KCNN2: variants seen among roughly 807,000 people sequenced by gnomAD.
KCNN2 encodes the protein small conductance calcium-activated potassium channel protein 2.
A neutral mutation model predicts 55.5 loss-of-function variants in KCNN2; 24 were observed. The ratio of observed to expected loss-of-function variants is 0.43; its 90% confidence interval spans 0.31 to 0.61. The LOEUF (loss-of-function observed/expected upper bound fraction) is 0.61, where lower values mean the gene tolerates loss of function less well. KCNN2 is among the 20% of genes least tolerant of loss of function. The probability of loss-of-function intolerance (pLI) is 0.08; values close to 1 mark genes in which losing one functional copy is unlikely to be tolerated. For synonymous variants in KCNN2, 431 were observed against 336.1 expected (o/e 1.28, Z -3.09); for missense variants, 754 against 853.6 (o/e 0.88, Z 1.45).
At chr5:114,064,472 G>C (rs756525916) in intron 1 of KCNN2, among the ~76,000 whole-genome samples, 1 of 152,320 alleles carries the variant, frequency 6.6e-6, no homozygotes, top group South Asian at 2.1e-4. Flanking sequence ...CTTGTGGGGA[G>C]AGCCACCATG....
At chr5:114,363,585 C>G (rs938348450) in intron 1 of KCNN2, among the ~76,000 whole-genome samples, 6 of 152,194 alleles carry the variant, frequency 3.9e-5, no homozygotes, top group Non-Finnish European at 7.3e-5. Context: ...AGGGCCCTTT[C>G]AACCCGCTCT....
intron 3 of KCNN2, among the ~76,000 whole-genome samples, chr5:114,449,025 T>G (rs1389078570): frequency 6.6e-6 from 1 of 152,096 alleles, no homozygotes; most frequent in Non-Finnish European, 1.5e-5. Flanking sequence ...GAGATTGAAG[T>G]GCTAGTGTTG....
At chr5:114,467,639 C>T (rs1761519868) in intron 4 of KCNN2, among the ~76,000 whole-genome samples, 1 of 152,110 alleles carries the variant, frequency 6.6e-6, no homozygotes, top group African/African-American at 2.4e-5. Context: ...AAATTCCCCA[C>T]CAATGTCCTT....
intron 1 of KCNN2, among the ~76,000 whole-genome samples, chr5:114,155,132 T>C (rs942340059): frequency 6.6e-6 from 1 of 152,062 alleles, no homozygotes; most frequent in Non-Finnish European, 1.5e-5. Flanking sequence ...AGTGAGAACA[T>C]GTGGTATTTG....
At position 114,404,737 on chromosome 5, in the gene KCNN2, A is replaced by C; in HGVS notation, c.1518A>C (p.Ile506=). 6.2e-7 allele frequency: 1 copy of C among 1,614,050 alleles called. No individual in the cohort carries two copies. Among genetic ancestry groups the C allele is most frequent in the Non-Finnish European group, 8.5e-7 (1 of 1,179,954 alleles). The change falls in exon 3 of 8, where the codon ATA becomes ATC. Residue 506 remains isoleucine, a synonymous_variant. Coordinates refer to ENST00000673685, the MANE Select transcript of KCNN2 (RefSeq NM_021614.4). ...GAAGCATTGGAGCACTTAATAAGAT[A>C]AACTTCAATACACGTTTTGTTATGA... The part of the protein sequence containing the change: ...SSRSIGALNK[I]NFNTRFVMKT...
chr5:114,385,247 TCTTTCTCTCC>T (rs879671107), intron 2 of KCNN2, among the ~76,000 whole-genome samples: 7 of 152,098 alleles, frequency 4.6e-5, no homozygotes, highest in Non-Finnish European at 5.9e-5. Context: ...CCTTTTGTTC[TCTTTCTCTCC>T]CTTTCTCTCT....
intron 1 of KCNN2, among the ~76,000 whole-genome samples, chr5:114,083,228 A>G (rs2112543395): frequency 6.6e-6 from 1 of 151,996 alleles, no homozygotes; most frequent in African/African-American, 2.4e-5. Context: ...TGATTTCATT[A>G]CTTTTTCACC....
At chr5:114,168,480 G>A (rs1466184559) in intron 1 of KCNN2, among the ~76,000 whole-genome samples, 1 of 151,934 alleles carries the variant, frequency 6.6e-6, no homozygotes, top group East Asian at 1.9e-4. Context: ...GTTTCTCAAG[G>A]CTAATATTCT....
intron 1 of KCNN2, among the ~76,000 whole-genome samples, chr5:114,149,418 G>A (rs548975956): frequency 2.3e-4 from 35 of 152,264 alleles, no homozygotes; most frequent in African/African-American, 6.5e-4. Flanking sequence ...TAGGCAGATC[G>A]ACAGGTCGAG....
At chr5:114,423,818 C>G (rs1336288575) in intron 3 of KCNN2, among the ~76,000 whole-genome samples, 1 of 152,098 alleles carries the variant, frequency 6.6e-6, no homozygotes, top group East Asian at 1.9e-4. Context: ...AGAAAGAAAA[C>G]TTGATTTGAG....
intron 4 of KCNN2, among the ~76,000 whole-genome samples, chr5:114,469,730 C>T (rs1466076544): frequency 1.3e-5 from 2 of 152,180 alleles, no homozygotes; most frequent in Admixed American, 6.5e-5. Context: ...ACTTAAATTA[C>T]TATAACCATG....
At chr5:114,411,146 G>T in intron 3 of KCNN2, among the ~76,000 whole-genome samples, 1 of 152,066 alleles carries the variant, frequency 6.6e-6, no homozygotes. Context: ...ACTATTCAGT[G>T]TCTTAAAAGT....
At chr5:114,383,651 A>T (rs1758195407) in intron 2 of KCNN2, among the ~76,000 whole-genome samples, 1 of 151,976 alleles carries the variant, frequency 6.6e-6, no homozygotes, top group Non-Finnish European at 1.5e-5. Flanking sequence ...TATTTTTAGT[A>T]GGGACAGGGT....
intron 5 of KCNN2, among the ~76,000 whole-genome samples, chr5:114,476,037 C>CTTTTTTTTTTAAATTATACTTTAAGTTT (rs1761948890): frequency 6.7e-6 from 1 of 149,558 alleles, no homozygotes; most frequent in African/African-American, 2.5e-5. Context: ...TTCATTACTA[C>CTTTTTTTTTTAAATTATACTTTAAGTTT]TTTTTTTTTT....
At chr5:114,432,339 A>G (rs1759823111) in intron 3 of KCNN2, among the ~76,000 whole-genome samples, 1 of 152,188 alleles carries the variant, frequency 6.6e-6, no homozygotes, top group Non-Finnish European at 1.5e-5. Flanking sequence ...TTTATCTCTA[A>G]TCGGCTCTTT....
At chr5:114,230,236 G>A (rs1580641308) in intron 2 of KCNN2, among the ~76,000 whole-genome samples, 2 of 150,800 alleles carry the variant, frequency 1.3e-5, no homozygotes, top group Admixed American at 6.6e-5. Flanking sequence ...CTGAGATACT[G>A]ACAATGATAG....
intron 1 of KCNN2, among the ~76,000 whole-genome samples, chr5:114,098,825 G>C (rs926497396): frequency 6.6e-6 from 1 of 152,030 alleles, no homozygotes; most frequent in Non-Finnish European, 1.5e-5. Flanking sequence ...ATTTATGGGG[G>C]TACCAGTGGC....
At chr5:114,435,533 A>T (rs946737208) in intron 3 of KCNN2, among the ~76,000 whole-genome samples, 7 of 152,144 alleles carry the variant, frequency 4.6e-5, no homozygotes, top group African/African-American at 1.7e-4. Flanking sequence ...CACTCTAAAC[A>T]AAACTCCTTT....
chr5:114,241,801 TATAC>T (rs1437379519), intron 2 of KCNN2, among the ~76,000 whole-genome samples: 709 of 38,612 alleles, frequency 0.018, 166 homozygotes, highest in African/African-American at 0.032. Flanking sequence ...TATGTATATA[TATAC>T]GTATATATAT....
Sources: gnomAD v4.1 joint callset for allele counts (sites outside exome capture counted in the v4.1 genomes callset) on GRCh38, gnomAD v4.1.1 for gene constraint, MANE v1.5 for transcripts, NCBI Gene and HGNC (gene_info 2026-07-23, HGNC 2026-07-21) for gene names.